Variants in MYO1D observed in about 807,000 individuals in gnomAD.
MYO1D encodes myosin ID, also known as unconventional myosin-Id.
Under a neutral mutation model 122.0 loss-of-function variants are expected in MYO1D, and 83 were observed. The ratio of observed to expected loss-of-function variants is 0.68; its 90% CI spans 0.57 to 0.82. The LOEUF is 0.82. MYO1D is among the 40% of genes least tolerant of loss of function. The probability of loss-of-function intolerance (pLI) is 0.00; values close to 1 mark genes in which losing one functional copy is unlikely to be tolerated. For synonymous variants in MYO1D, 464 were observed against 446.9 expected (o/e 1.04, Z -0.48); for missense variants, 1,157 against 1,269.5 (o/e 0.91, Z 1.35).
chr17:32,549,000 A>G (rs1217790509), intron 21 of MYO1D, among the ~76,000 whole-genome samples: 1 of 152,180 alleles, frequency 6.6e-6, no homozygotes, highest in African/African-American at 2.4e-5. Context: ...GGCGTGAGCC[A>G]CCGCGCCTGG....
At chr17:32,573,771 C>T (rs1567894824) in intron 21 of MYO1D, among the ~76,000 whole-genome samples, 1 of 152,222 alleles carries the variant, frequency 6.6e-6, no homozygotes, top group African/African-American at 2.4e-5. Flanking sequence ...GCCATCCTTC[C>T]ACCTCAGTCT....
chr17:32,776,077 G>C, intron 3 of MYO1D, 48 bp from the exon 4 acceptor site: 1 of 1,540,560 alleles, frequency 6.5e-7, no homozygotes. Context: ...ATAGAGACTA[G>C]AATTTTTTAA....
chr17:32,617,390 C>T (rs923480273), intron 20 of MYO1D, among the ~76,000 whole-genome samples: 1 of 152,130 alleles, frequency 6.6e-6, no homozygotes, highest in African/African-American at 2.4e-5. Flanking sequence ...TTAAGTCTTC[C>T]CAGCTAAGGC....
At chr17:32,564,939 A>G (rs1268624991) in intron 21 of MYO1D, among the ~76,000 whole-genome samples, 1 of 152,262 alleles carries the variant, frequency 6.6e-6, no homozygotes, top group African/African-American at 2.4e-5. Flanking sequence ...ATCACCCTTG[A>G]TGATAACTCT....
chr17:32,627,746 C>T (rs1486862049), intron 20 of MYO1D: 1 of 152,126 alleles, frequency 6.6e-6, no homozygotes, highest in Non-Finnish European at 1.5e-5. Context: ...ATTCTTCAGA[C>T]CAAACACATC....
rs567436167 is a variant in MYO1D, at chr17:32,611,369, A to G, written c.2710-6128T>C. On this transcript the variant is annotated intron_variant, in intron 20 of 21. Coordinates refer to ENST00000318217, the MANE Select transcript of MYO1D (RefSeq NM_015194.3). ...AAAGAATAATAGAAGAAAACATCCC[A>G]GTCTTTAGACAGAAAGGAATCACAG... Among the ~76,000 whole-genome samples, 61 of 152,378 alleles carry G rather than the reference A, an allele frequency of 4.0e-4. No individual in the cohort carries two copies. The South Asian group carries it at 0.012, about 31-fold the overall frequency.
intron 11 of MYO1D, among the ~76,000 whole-genome samples, chr17:32,750,211 C>T (rs529418457): frequency 6.6e-6 from 1 of 152,290 alleles, no homozygotes; most frequent in South Asian, 2.1e-4. Context: ...CTATGACTTT[C>T]TACAATCTTC....
At position 32,745,141 on chromosome 17, in the gene MYO1D, T is replaced by C. The variant is rs151002741; in HGVS notation, c.1613+70A>G. On this transcript the variant is annotated intron_variant, in intron 13 of 21. Transcript: ENST00000318217. Reference sequence around the variant, plus strand: ...AAACTCTTAAAATTGCATATAAATATAACCATGTGCATATATTACATATGT... The same window carrying C: ...AAACTCTTAAAATTGCATATAAATACAACCATGTGCATATATTACATATGT... 3.3e-3 allele frequency: 2,802 copies of C among 847,326 alleles called. 27 individuals carry two copies. Among genetic ancestry groups the C allele is most frequent in the South Asian group, 0.019 (1,203 of 62,764 alleles). The allele number at this position is 847,326 out of a possible 1,614,324, so 52.5% of individuals were successfully genotyped here.
At chr17:32,708,132 T>A (rs866754183) in intron 16 of MYO1D, among the ~76,000 whole-genome samples, 6 of 152,062 alleles carry the variant, frequency 3.9e-5, no homozygotes, top group Admixed American at 3.9e-4. Flanking sequence ...ACTCTCGACA[T>A]AGGGGGTGAG....
chr17:32,794,932 G>A (rs982790958), intron 1 of MYO1D, among the ~76,000 whole-genome samples: 11 of 152,262 alleles, frequency 7.2e-5, no homozygotes, highest in Admixed American at 5.9e-4. Context: ...AGGAAGGAAT[G>A]ACGGGTTCTC....
chr17:32,782,051 C>T (rs1198881337), intron 1 of MYO1D, among the ~76,000 whole-genome samples: 1 of 152,192 alleles, frequency 6.6e-6, no homozygotes, highest in East Asian at 1.9e-4. Context: ...TCTCTAAGCA[C>T]GCTTGCTTCA....
chr17:32,597,739 G>A (rs760128368), intron 21 of MYO1D, among the ~76,000 whole-genome samples: 11 of 151,540 alleles, frequency 7.3e-5, no homozygotes, highest in African/African-American at 1.5e-4. Context: ...ATGTTGGCAG[G>A]TGCCTGTAAT....
Position 32,766,417 on chromosome 17 carries a change from C to CT in MYO1D, c.831+1218dup, listed in dbSNP as rs1456807282. ...GAACTAGTCATGTTCCCTCTCCTCCCTTACCCTACCCTATACGACACTTCT... is the reference window on the plus strand; with the variant it reads ...GAACTAGTCATGTTCCCTCTCCTCCCTTTACCCTACCCTATACGACACTTCT... On this transcript the variant is annotated intron_variant, in intron 7 of 21. Coordinates refer to ENST00000318217, the MANE Select transcript of MYO1D (RefSeq NM_015194.3). 5.9e-5 allele frequency among the ~76,000 whole-genome samples: 9 copies of CT among 152,294 alleles called. No homozygotes were observed. In the East Asian group the frequency reaches 1.2e-3, roughly 20 times the overall value.
intron 21 of MYO1D, among the ~76,000 whole-genome samples, chr17:32,499,651 A>T (rs1309873651): frequency 6.6e-6 from 1 of 151,918 alleles, no homozygotes; most frequent in African/African-American, 2.4e-5. Flanking sequence ...AAAAAAATAA[A>T]AAAAAATAAA....
chr17:32,683,603 C>T (rs888171820), intron 16 of MYO1D, among the ~76,000 whole-genome samples: 2 of 151,036 alleles, frequency 1.3e-5, no homozygotes, highest in Non-Finnish European at 2.9e-5. Context: ...GGCAGTCTGC[C>T]GGTTCTCAGA....
intron 7 of MYO1D, 45 bp from the exon 8 acceptor site, chr17:32,765,126 CA>C: frequency 6.8e-7 from 1 of 1,473,840 alleles, no homozygotes; most frequent in Non-Finnish European, 9.4e-7. Context: ...AACATTATGT[CA>C]AGGATATATT....
At chr17:32,659,828 G>A (rs1377786967) in intron 16 of MYO1D, among the ~76,000 whole-genome samples, 2 of 152,030 alleles carry the variant, frequency 1.3e-5, no homozygotes, top group African/African-American at 4.8e-5. Flanking sequence ...CCTCTCCCGC[G>A]GCACTATGTA....
chr17:32,610,311 A>G (rs2087684611), intron 20 of MYO1D, among the ~76,000 whole-genome samples: 1 of 152,126 alleles, frequency 6.6e-6, no homozygotes. Context: ...GTGGATGGGA[A>G]TTCTTCATGT....
chr17:32,658,927 G>T (rs149039689), intron 17 of MYO1D, 188 bp downstream of exon 17: 22 of 610,854 alleles, frequency 3.6e-5, no homozygotes, highest in African/African-American at 3.3e-4. Context: ...CAAATTGGCA[G>T]TTCCTTTATT....
Sources: allele counts gnomAD v4.1 joint callset (sites outside exome capture counted in the v4.1 genomes callset), GRCh38; gene constraint gnomAD v4.1.1; transcripts MANE v1.5; gene names NCBI Gene and HGNC (gene_info 2026-07-23, HGNC 2026-07-21).